Variants in GRIN2B observed in about 807,000 individuals in gnomAD.
GRIN2B encodes glutamate receptor ionotropic, NMDA 2B.
GRIN2B carries 5 observed loss-of-function variants against 114.5 expected under a neutral mutation model. The observed-to-expected ratio is 0.04, with a 90% CI of 0.02 to 0.09. GRIN2B has a LOEUF of 0.09. GRIN2B is among the 10% of genes least tolerant of loss of function. The pLI is 1.00. For synonymous variants in GRIN2B, 787 were observed against 745.1 expected, an observed-to-expected ratio of 1.06 and a Z score of -0.92; for missense variants, 1,108 against 1,943.5, an observed-to-expected ratio of 0.57 and a Z score of 8.08.
At chr12:13,807,250 T>TATG (rs1159123313) in intron 3 of GRIN2B, among the ~76,000 whole-genome samples, 6 of 152,274 alleles carry the variant, frequency 3.9e-5, no homozygotes, top group African/African-American at 1.4e-4. Context: ...GCCACGGCTG[T>TATG]ATGAGTCTAA....
At chr12:13,887,141 C>G (rs1866175635) in intron 2 of GRIN2B, among the ~76,000 whole-genome samples, 1 of 152,048 alleles carries the variant, frequency 6.6e-6, no homozygotes, top group Non-Finnish European at 1.5e-5. Flanking sequence ...GATTTCAAGC[C>G]AAAAATTATT....
intron 3 of GRIN2B, among the ~76,000 whole-genome samples, chr12:13,790,424 T>C (rs952121043): frequency 6.6e-6 from 1 of 152,236 alleles, no homozygotes; most frequent in Non-Finnish European, 1.5e-5. Flanking sequence ...ACACATTTAA[T>C]AGAAACAAAG....
chr12:13,564,673 C>T lies in GRIN2B; in HGVS notation c.2599-34G>A, dbSNP rs1459475508. 9 of 1,597,872 alleles carry T rather than the reference C, an allele frequency of 5.6e-6. No individual in the cohort carries two copies. The highest frequency in any genetic ancestry group is 1.3e-5 in the African/African-American group (1 of 74,644). On this transcript the variant is annotated intron_variant, in intron 13 of 13. Transcript: ENST00000609686. This position sits in a 1 kb window ranked among gnomAD's most constrained non-coding sequence, Gnocchi z 4.8. ...AGAATGGAGGGACAGGTTAGATCTCCAGAGAGGCTAGAAATGACCACAAAA... is the reference window on the plus strand; with the variant it reads ...AGAATGGAGGGACAGGTTAGATCTCTAGAGAGGCTAGAAATGACCACAAAA...
intron 5 of GRIN2B, among the ~76,000 whole-genome samples, chr12:13,630,362 A>G (rs1285609352): frequency 6.6e-6 from 1 of 152,246 alleles, no homozygotes; most frequent in African/African-American, 2.4e-5. Context: ...TTCTTATATT[A>G]GTGGTAACTA....
rs958849715 is a variant in GRIN2B at position 13,539,958 on chromosome 12, A to T, written c.*22825T>A. 4 of 152,222 alleles carry T rather than the reference A, an allele frequency of 2.6e-5. No individual in the cohort carries two copies. Among genetic ancestry groups the T allele is most frequent in the African/African-American group, 9.6e-5 (4 of 41,458 alleles). The allele number at this position is 152,222 out of a possible 1,614,324, so 9.4% of individuals were successfully genotyped here. A position where few individuals can be genotyped will look rare whatever the true frequency, so the allele number is the denominator to read the frequency against. ...TTAAACTAAAAAAGAGTCCTTAGTA[A>T]AAGAGATATATACTGTAATGTTTAC... On this transcript the variant is annotated 3_prime_UTR_variant, in exon 14 of 14. Coordinates refer to ENST00000609686, the MANE Select transcript of GRIN2B (RefSeq NM_000834.5).
chr12:13,639,976 T>C (rs1949699669), intron 5 of GRIN2B, among the ~76,000 whole-genome samples: 1 of 152,160 alleles, frequency 6.6e-6, no homozygotes, highest in Non-Finnish European at 1.5e-5. Context: ...AATAGAGATG[T>C]TGAAGTCACA....
chr12:13,837,231 T>G (rs1239835179), intron 3 of GRIN2B, among the ~76,000 whole-genome samples: 1 of 152,028 alleles, frequency 6.6e-6, no homozygotes, highest in African/African-American at 2.4e-5. Flanking sequence ...AAATCACACC[T>G]CTCCCACAAA....
intron 5 of GRIN2B, among the ~76,000 whole-genome samples, chr12:13,646,641 TTCTTCCTCC>T (rs930049227): frequency 1.3e-5 from 2 of 152,046 alleles, no homozygotes; most frequent in Admixed American, 1.3e-4. Flanking sequence ...CCTCTTCCTC[TTCTTCCTCC>T]TCCTCCTCCT....
chr12:13,703,889 A>G (rs144498586), intron 4 of GRIN2B, among the ~76,000 whole-genome samples: 16 of 152,336 alleles, frequency 1.1e-4, no homozygotes, highest in Non-Finnish European at 2.2e-4. Context: ...TTTCACTCAC[A>G]ATGACATGCA....
chr12:13,563,661 C>A lies in GRIN2B; in HGVS notation c.3577G>T (p.Val1193Leu). Residue 1193 changes from valine to leucine, a missense_variant, in exon 14 of 14, where the codon GTA (valine) becomes TTA (leucine). Coordinates refer to ENST00000609686, the MANE Select transcript of GRIN2B (RefSeq NM_000834.5). ...AGGTTCTTCTCCCAAGGTGCAGGTA[C>A]CCCGCTGACCACGCCGTGTTTGTCG... ...TGDKHGVVSGVPAPWEKNLTN... is the reference protein window; with the variant it reads ...TGDKHGVVSGLPAPWEKNLTN... The A allele has an allele frequency of 6.2e-7, 1 of 1,613,698 alleles. No individual in the cohort carries two copies. The highest frequency in any genetic ancestry group is 8.5e-7 in the Non-Finnish European group (1 of 1,180,024).
chr12:13,627,749 G>C (rs550589121), intron 5 of GRIN2B, among the ~76,000 whole-genome samples: 2 of 152,326 alleles, frequency 1.3e-5, no homozygotes, highest in East Asian at 3.9e-4. Context: ...CAGGCCTTGT[G>C]GGGGTGCTTG....
chr12:13,801,068 T>C (rs1266665187), intron 3 of GRIN2B, among the ~76,000 whole-genome samples: 1 of 152,168 alleles, frequency 6.6e-6, no homozygotes, highest in Non-Finnish European at 1.5e-5. Context: ...TATAAAACTG[T>C]CTGTCCCTAC....
rs1342511949 is a variant in GRIN2B at position 13,556,378 on chromosome 12, A to G, written c.*6405T>C. 1 of 152,218 alleles carries G rather than the reference A, an allele frequency of 6.6e-6. No homozygotes were observed. The highest frequency in any genetic ancestry group is 2.1e-4 in the South Asian group (1 of 4,836). 9.4% of individuals were successfully genotyped at this position (152,218 alleles called of 1,614,324 possible). A position where few individuals can be genotyped will look rare whatever the true frequency, so the allele number is the denominator to read the frequency against. ...CTTATGCTTTCATATATTCTACGTG[A>G]GTACAATATACTCCATTTTGAAACC... is the stretch of plus-strand genomic sequence containing the variant. On this transcript the variant is annotated 3_prime_UTR_variant, in exon 14 of 14. Transcript: ENST00000609686.
chr12:13,738,684 T>G (rs911319518), intron 4 of GRIN2B, among the ~76,000 whole-genome samples: 15 of 152,132 alleles, frequency 9.9e-5, no homozygotes, highest in African/African-American at 3.4e-4. Context: ...CAAGTTCAAA[T>G]GCATGTGAAT....
At position 13,775,701 on chromosome 12, in the gene GRIN2B, C is replaced by T. The variant is rs75363023; in HGVS notation, c.412-21786G>A. On this transcript the variant is annotated intron_variant, in intron 3 of 13. Transcript: ENST00000609686. ...CATAAGCAGTATATGAAAAGTGTAC[C>T]ATGCCCCATAGTTAATAAATTCTTT... is the stretch of plus-strand genomic sequence containing the variant. Among the ~76,000 whole-genome samples, 1,147 of 152,260 alleles carry T rather than the reference C, an allele frequency of 7.5e-3. 19 individuals carry two copies. The highest frequency in any genetic ancestry group is 0.026 in the African/African-American group (1,076 of 41,532).
At chr12:13,651,022 T>TC (rs1423599997) in intron 5 of GRIN2B, among the ~76,000 whole-genome samples, 1 of 152,116 alleles carries the variant, frequency 6.6e-6, no homozygotes, top group Non-Finnish European at 1.5e-5. Flanking sequence ...CCTCTTACTC[T>TC]CTGCTCTTCT....
intron 3 of GRIN2B, among the ~76,000 whole-genome samples, chr12:13,821,258 C>G (rs1212938917): frequency 1.3e-5 from 2 of 152,108 alleles, no homozygotes; most frequent in Non-Finnish European, 2.9e-5. Context: ...TCTCTATTTC[C>G]TCAGGCAGTC....
chr12:13,580,667 G>C (rs927064685), intron 10 of GRIN2B, among the ~76,000 whole-genome samples: 1 of 152,068 alleles, frequency 6.6e-6, no homozygotes, highest in Non-Finnish European at 1.5e-5. Context: ...GCACCCTCCT[G>C]TTATTATTGT....
intron 2 of GRIN2B, among the ~76,000 whole-genome samples, chr12:13,965,823 G>C (rs1867782148): frequency 6.6e-6 from 1 of 152,148 alleles, no homozygotes; most frequent in Non-Finnish European, 1.5e-5. Flanking sequence ...CGCTCCTAAA[G>C]TCTTAAATCT....
Sources: gnomAD v4.1 joint callset for allele counts (sites outside exome capture counted in the v4.1 genomes callset) on GRCh38, gnomAD v4.1.1 for gene constraint, Gnocchi (gnomAD v3.1) non-coding constraint, MANE v1.5 for transcripts, NCBI Gene and HGNC (gene_info 2026-07-23, HGNC 2026-07-21) for gene names.